RELN: variants seen among roughly 807,000 people sequenced by gnomAD.
The protein encoded by RELN is reelin.
In RELN, 108 loss-of-function variants were observed where a neutral mutation model predicts 427.6. The ratio of observed to expected loss-of-function variants is 0.25; its 90% CI spans 0.22 to 0.30. The LOEUF (loss-of-function observed/expected upper bound fraction) is 0.30, where lower values mean the gene tolerates loss of function less well. RELN is among the 10% of genes least tolerant of loss of function. The pLI is 1.00. For synonymous variants in RELN, 1,524 were observed against 1,513.4 expected (o/e 1.01, Z -0.16); for missense variants, 3,715 against 4,302.8 (o/e 0.86, Z 3.82).
At chr7:103,505,373 C>T (rs1479777882) in intron 51 of RELN, among the ~76,000 whole-genome samples, 2 of 152,160 alleles carry the variant, frequency 1.3e-5, no homozygotes, top group Non-Finnish European at 2.9e-5. Context: ...GAGGAAGGAA[C>T]AGGCAGCAAT....
At chr7:103,741,941 G>A (rs763226217) in intron 6 of RELN, among the ~76,000 whole-genome samples, 2 of 152,128 alleles carry the variant, frequency 1.3e-5, no homozygotes, top group Non-Finnish European at 2.9e-5. Flanking sequence ...CACGCAGCTT[G>A]AGATCTGAGA....
chr7:103,503,266 CTA>C (rs1829095694), intron 51 of RELN, 36 bp from the exon 52 acceptor site: 1 of 1,585,576 alleles, frequency 6.3e-7, no homozygotes, highest in African/African-American at 1.3e-5. Flanking sequence ...GGTATTAAAA[CTA>C]TATGATATGA....
In RELN at chr7:103,723,191, T is replaced by C. The variant is rs779164632; in HGVS notation, c.754A>G (p.Ile252Val). ...FCEPYGPREL[I>V]TTGLNTTTAS... is the part of the protein sequence containing the mutation. Reference sequence around the variant, plus strand: ...GTTGTTGTATTAAGGCCTGTGGTAATCTAAAGAAAAAAGAATACATAAAAA... The same window carrying C: ...GTTGTTGTATTAAGGCCTGTGGTAACCTAAAGAAAAAAGAATACATAAAAA... The change falls in exon 8 of 65, where the codon ATT (isoleucine) becomes GTT (valine). Residue 252 changes from isoleucine to valine, a missense_variant and splice_region_variant. Ile to Val is a conservative substitution (Grantham distance 29). Coordinates refer to ENST00000428762, the MANE Select transcript of RELN (RefSeq NM_005045.4). 1 of 1,573,468 alleles carries C rather than the reference T, an allele frequency of 6.4e-7. No homozygotes were observed. The highest frequency in any genetic ancestry group is 8.7e-7 in the Non-Finnish European group (1 of 1,143,920).
intron 3 of RELN, among the ~76,000 whole-genome samples, chr7:103,813,353 GTA>G (rs1610916): frequency 0.2 from 30,974 of 151,920 alleles, 3,541 homozygotes; most frequent in Middle Eastern, 0.31. Flanking sequence ...ACACCCAGGA[GTA>G]TCAAAGTGGC....
intron 3 of RELN, among the ~76,000 whole-genome samples, chr7:103,826,551 T>C (rs180776339): frequency 3.9e-4 from 59 of 152,158 alleles, no homozygotes; most frequent in African/African-American, 1.3e-3. Flanking sequence ...TGGCAAACCA[T>C]AGAGTTGTCG....
chr7:103,648,131 C>T (rs542290424), intron 16 of RELN, among the ~76,000 whole-genome samples: 1 of 151,994 alleles, frequency 6.6e-6, no homozygotes, highest in South Asian at 2.1e-4. Context: ...GGATTTGTGT[C>T]CCTGCCCAAA....
intron 1 of RELN, among the ~76,000 whole-genome samples, chr7:103,975,665 C>T (rs1330851410): frequency 6.6e-6 from 1 of 151,348 alleles, no homozygotes; most frequent in African/African-American, 2.4e-5. Context: ...CCTGCCTCAG[C>T]CTCCCGAGTA....
intron 4 of RELN, among the ~76,000 whole-genome samples, chr7:103,773,320 C>CCT (rs59961333): frequency 0.41 from 20,515 of 50,624 alleles, 6,041 homozygotes; most frequent in African/African-American, 0.64. Flanking sequence ...TCGCTCCCTC[C>CCT]GTCTCTCTCT....
chr7:103,592,336 G>T (rs994885367), intron 27 of RELN, among the ~76,000 whole-genome samples: 2 of 152,108 alleles, frequency 1.3e-5, no homozygotes, highest in African/African-American at 4.8e-5. Flanking sequence ...ATGGCCTCCA[G>T]CTCCACTCAT....
Position 103,640,524 on chromosome 7 carries a change from G to T in RELN, c.2069+19C>A, listed in dbSNP as rs766137422. The T allele has an allele frequency of 1.2e-6, 2 of 1,611,900 alleles. No homozygotes were observed. The highest frequency in any genetic ancestry group is 2.2e-5 in the South Asian group (2 of 91,042). On this transcript the variant is annotated intron_variant, in intron 17 of 64. Transcript: ENST00000428762. This position sits in a 1 kb window ranked among gnomAD's most constrained non-coding sequence, Gnocchi z 4.1. ...CACATCAAAAAGGAGAAGCATAAGTGTTATTTTAAGATGCTTACTTGCAAC... is the reference window on the plus strand; with the variant it reads ...CACATCAAAAAGGAGAAGCATAAGTTTTATTTTAAGATGCTTACTTGCAAC...
intron 28 of RELN, among the ~76,000 whole-genome samples, chr7:103,580,679 C>T (rs1831110280): frequency 6.6e-6 from 1 of 152,148 alleles, no homozygotes; most frequent in East Asian, 1.9e-4. Context: ...TACCCATCAC[C>T]TGAGCAGTGA....
intron 6 of RELN, among the ~76,000 whole-genome samples, chr7:103,743,215 G>C (rs1172131102): frequency 6.6e-6 from 1 of 152,186 alleles, no homozygotes; most frequent in African/African-American, 2.4e-5. Flanking sequence ...CAAATGCTGA[G>C]AGATTTTGTC....
chr7:103,801,250 T>C (rs1440913490), intron 3 of RELN, among the ~76,000 whole-genome samples: 4 of 152,224 alleles, frequency 2.6e-5, no homozygotes, highest in African/African-American at 7.2e-5. Context: ...CAAAGGATTA[T>C]AAATCATGCT....
rs954105725 is a variant in RELN at position 103,861,266 on chromosome 7, A to C, written c.338-27594T>G. Among the ~76,000 whole-genome samples, 5 of 152,200 alleles carry C rather than the reference A, an allele frequency of 3.3e-5. No individual in the cohort carries two copies. The South Asian group carries it at 1.0e-3, about 32-fold the overall frequency. ...ATTATTCAAGTTTTTTAAAAAAATA[A>C]TTGTCTCAAATCCCTGGTATACTAA... On this transcript the variant is annotated intron_variant, in intron 2 of 64. Transcript: ENST00000428762.
chr7:103,655,566 G>T (rs1833006798), intron 12 of RELN, among the ~76,000 whole-genome samples: 1 of 152,046 alleles, frequency 6.6e-6, no homozygotes, highest in African/African-American at 2.4e-5. Flanking sequence ...GTAAATGCCT[G>T]GGTCAAACTC....
chr7:103,918,110 C>G (rs1795528636), intron 1 of RELN, among the ~76,000 whole-genome samples: 1 of 151,962 alleles, frequency 6.6e-6, no homozygotes, highest in African/African-American at 2.4e-5. Flanking sequence ...AAATTAAACT[C>G]CAGAAAATCC....
At chr7:103,508,112 G>A (rs1829276004) in intron 51 of RELN, among the ~76,000 whole-genome samples, 1 of 152,112 alleles carries the variant, frequency 6.6e-6, no homozygotes, top group South Asian at 2.1e-4. Flanking sequence ...GGTACAAACA[G>A]GAGCTGGTAC....
intron 9 of RELN, among the ~76,000 whole-genome samples, chr7:103,699,096 T>C (rs1834038076): frequency 6.6e-6 from 1 of 152,162 alleles, no homozygotes; most frequent in Non-Finnish European, 1.5e-5. Context: ...TAAAATATTT[T>C]TATTAAACAT....
At chr7:103,839,957 C>T (rs771613052) in intron 2 of RELN, among the ~76,000 whole-genome samples, 4 of 152,134 alleles carry the variant, frequency 2.6e-5, no homozygotes, top group African/African-American at 4.8e-5. Flanking sequence ...TTGCTGTTCT[C>T]GTGATCGTGA....
Sources: gnomAD v4.1 joint callset for allele counts (sites outside exome capture counted in the v4.1 genomes callset) on GRCh38, gnomAD v4.1.1 for gene constraint, Gnocchi (gnomAD v3.1) non-coding constraint, MANE v1.5 for transcripts, NCBI Gene and HGNC (gene_info 2026-07-23, HGNC 2026-07-21) for gene names.